The following ADARB2 variants were observed in gnomAD, a reference collection of about 807,000 sequenced individuals.
ADARB2 encodes the protein adenosine deaminase RNA specific B2 (inactive).
A neutral mutation model predicts 62.2 loss-of-function variants in ADARB2; 25 were observed. The observed-to-expected ratio is 0.40, with a 90% CI of 0.29 to 0.56. The LOEUF (loss-of-function observed/expected upper bound fraction) is 0.56. Among genes scored for constraint, ADARB2 ranks in the 20% least tolerant of loss-of-function variants. The pLI is 0.43. For missense variants in ADARB2, 1,071 were observed against 1,077.4 expected (o/e 0.99, Z 0.08); for synonymous variants, 572 against 500.8 (o/e 1.14, Z -1.90).
chr10:1,388,914 C>A (rs529941938), intron 1 of ADARB2, among the ~76,000 whole-genome samples: 11 of 152,056 alleles, frequency 7.2e-5, no homozygotes, highest in Non-Finnish European at 8.8e-5. Context: ...ATTGATACTG[C>A]AGAACAAATA....
At chr10:1,298,785 G>A (rs550205921) in intron 3 of ADARB2, among the ~76,000 whole-genome samples, 4 of 132,910 alleles carry the variant, frequency 3.0e-5, no homozygotes, top group Admixed American at 8.2e-5. Flanking sequence ...ATTTGCCCAG[G>A]CTGGAGTGCA....
intron 1 of ADARB2, among the ~76,000 whole-genome samples, chr10:1,693,897 T>C (rs1441138220): frequency 6.6e-6 from 1 of 152,208 alleles, no homozygotes; most frequent in African/African-American, 2.4e-5. Context: ...GGCAGGCTGG[T>C]CATACAGGAA....
chr10:1,367,196 T>C (rs1832321217), intron 2 of ADARB2, among the ~76,000 whole-genome samples: 2 of 152,246 alleles, frequency 1.3e-5, no homozygotes, highest in Admixed American at 6.5e-5. Context: ...TGCCTGCCCG[T>C]TCAGCTCGGG....
chr10:1,720,468 A>G (rs1835076251), intron 1 of ADARB2, among the ~76,000 whole-genome samples: 1 of 152,206 alleles, frequency 6.6e-6, no homozygotes, highest in East Asian at 1.9e-4. Context: ...GCGACACCCA[A>G]TTTATTCAGG....
In ADARB2 at chr10:1,477,872, A is replaced by G. The variant is rs1831422450; in HGVS notation, c.101-98712T>C. Reference sequence around the variant, plus strand: ...GGTGCCTCCCCAGAACGCTTCTCACAGGTGCACTGGGAGGTTCCCTCCTGC... The same window carrying G: ...GGTGCCTCCCCAGAACGCTTCTCACGGGTGCACTGGGAGGTTCCCTCCTGC... On this transcript the variant is annotated intron_variant, in intron 1 of 9. Coordinates refer to ENST00000381312, the MANE Select transcript of ADARB2 (RefSeq NM_018702.4). This position sits in a 1 kb window ranked among gnomAD's most constrained non-coding sequence, Gnocchi z 4.5. Among the ~76,000 whole-genome samples, 1 of 152,216 alleles carries G rather than the reference A, an allele frequency of 6.6e-6. No homozygotes were observed. Among genetic ancestry groups the G allele is most frequent in the Non-Finnish European group, 1.5e-5 (1 of 68,036 alleles).
At chr10:1,696,933 T>C (rs1834753807) in intron 1 of ADARB2, among the ~76,000 whole-genome samples, 1 of 152,068 alleles carries the variant, frequency 6.6e-6, no homozygotes, top group Non-Finnish European at 1.5e-5. Context: ...CAACACAAAT[T>C]TGTAAGCTTT....
intron 8 of ADARB2, among the ~76,000 whole-genome samples, chr10:1,194,923 G>T (rs955688193): frequency 6.6e-6 from 1 of 152,092 alleles, no homozygotes; most frequent in Non-Finnish European, 1.5e-5. Context: ...CTTGTTTTTT[G>T]TGTGTGGCAA....
chr10:1,216,372 G>A (rs1589154261), intron 7 of ADARB2: 1 of 154,018 alleles, frequency 6.5e-6, no homozygotes. Context: ...GAGGTGCTGG[G>A]AGGGAGGCGG....
chr10:1,713,168 G>C (rs1477733686), intron 1 of ADARB2, among the ~76,000 whole-genome samples: 1 of 152,190 alleles, frequency 6.6e-6, no homozygotes, highest in Non-Finnish European at 1.5e-5. Context: ...CTGGGTGCCG[G>C]CGAGGGGACC....
At chr10:1,282,481 A>G (rs1831379271) in intron 3 of ADARB2, among the ~76,000 whole-genome samples, 1 of 152,224 alleles carries the variant, frequency 6.6e-6, no homozygotes, top group Non-Finnish European at 1.5e-5. Context: ...CTGTATGTAA[A>G]TGATACTGCC....
intron 1 of ADARB2, among the ~76,000 whole-genome samples, chr10:1,502,036 T>A (rs17293852): frequency 0.16 from 25,073 of 152,172 alleles, 2,354 homozygotes; most frequent in Middle Eastern, 0.23. Context: ...AAAACTGCAA[T>A]CGTGAGGAAA....
At chr10:1,231,281 A>G (rs1830801787) in intron 6 of ADARB2, among the ~76,000 whole-genome samples, 1 of 152,204 alleles carries the variant, frequency 6.6e-6, no homozygotes, top group African/African-American at 2.4e-5. Context: ...TACGATGCCA[A>G]CCCTTTAAAG....
chr10:1,479,862 A>G (rs903059529), intron 1 of ADARB2, among the ~76,000 whole-genome samples: 3 of 152,224 alleles, frequency 2.0e-5, no homozygotes, highest in Admixed American at 1.3e-4. Flanking sequence ...AAGACAAAAC[A>G]TCGAAGGACT....
chr10:1,647,802 ATGTGTG>A (rs138674124), intron 1 of ADARB2, among the ~76,000 whole-genome samples: 2 of 151,452 alleles, frequency 1.3e-5, no homozygotes, highest in Non-Finnish European at 2.9e-5. Flanking sequence ...GCATGTGTAT[ATGTGTG>A]TGTGTATGCA....
chr10:1,374,953 A>T (rs1678459603), intron 2 of ADARB2, among the ~76,000 whole-genome samples: 3 of 148,788 alleles, frequency 2.0e-5, no homozygotes, highest in Admixed American at 2.0e-4. Context: ...TCTGGAAGCG[A>T]CAGGAGGCAG....
At chr10:1,472,431 G>A (rs1165110411) in intron 1 of ADARB2, among the ~76,000 whole-genome samples, 1 of 152,066 alleles carries the variant, frequency 6.6e-6, no homozygotes, top group Non-Finnish European at 1.5e-5. Flanking sequence ...ATAGGGGCGA[G>A]TGCCATGCGG....
chr10:1,455,367 A>C (rs1414528770), intron 1 of ADARB2, among the ~76,000 whole-genome samples: 5 of 152,232 alleles, frequency 3.3e-5, no homozygotes, highest in African/African-American at 9.6e-5. Context: ...GGAAATACAG[A>C]CTTCCTAAGT....
intron 1 of ADARB2, among the ~76,000 whole-genome samples, chr10:1,640,979 G>A (rs890554680): frequency 6.6e-6 from 1 of 152,140 alleles, no homozygotes; most frequent in Non-Finnish European, 1.5e-5. Context: ...CTTAGCTAAC[G>A]TCAGTGAACC....
intron 2 of ADARB2, among the ~76,000 whole-genome samples, chr10:1,370,735 A>G (rs1177276966): frequency 6.6e-6 from 1 of 152,242 alleles, no homozygotes; most frequent in Non-Finnish European, 1.5e-5. Flanking sequence ...ATACCTAGGA[A>G]TACATTTAAC....
Sources: gnomAD v4.1 joint callset for allele counts (sites outside exome capture counted in the v4.1 genomes callset) on GRCh38, gnomAD v4.1.1 for gene constraint, Gnocchi (gnomAD v3.1) non-coding constraint, MANE v1.5 for transcripts, NCBI Gene and HGNC (gene_info 2026-07-23, HGNC 2026-07-21) for gene names.